SAMMSON: variants seen among roughly 807,000 people sequenced by gnomAD.
The protein encoded by SAMMSON is long intergenic non-protein coding RNA 1212.
intron 6 of SAMMSON, among the ~76,000 whole-genome samples, chr3:70,276,203 C>T (rs927071727): frequency 6.6e-6 from 1 of 151,942 alleles, no homozygotes; most frequent in African/African-American, 2.4e-5. Context: ...AATATTTGTT[C>T]AGTGAAAAAT....
At chr3:70,232,404 A>ATTTT (rs200752002) in intron 4 of SAMMSON, among the ~76,000 whole-genome samples, 1 of 145,058 alleles carries the variant, frequency 6.9e-6, no homozygotes, top group Non-Finnish European at 1.5e-5. Flanking sequence ...TGATGTTCCT[A>ATTTT]TTTTTTTTTT....
intron 6 of SAMMSON, chr3:70,283,818 C>A (rs1702113110): frequency 6.6e-6 from 1 of 151,022 alleles, no homozygotes. Flanking sequence ...GCAAATATGG[C>A]CAAATGTTAA....
At chr3:70,184,027 TG>T (rs1341251600) in intron 4 of SAMMSON, 5 of 152,218 alleles carry the variant, frequency 3.3e-5, no homozygotes, top group African/African-American at 1.2e-4. Flanking sequence ...TGCTCCATGT[TG>T]GTACAAATTC....
chr3:70,080,814 C>T (rs1478930046), intron 4 of SAMMSON, among the ~76,000 whole-genome samples: 4 of 151,614 alleles, frequency 2.6e-5, no homozygotes, highest in Non-Finnish European at 5.9e-5. Context: ...AACGATATTG[C>T]AAAAATGATC....
chr3:70,184,750 A>G (rs1012597958), intron 4 of SAMMSON, among the ~76,000 whole-genome samples: 1 of 152,216 alleles, frequency 6.6e-6, no homozygotes, highest in Non-Finnish European at 1.5e-5. Flanking sequence ...TAGACTAACC[A>G]CATGAGGTCA....
intron 2 of SAMMSON, among the ~76,000 whole-genome samples, chr3:70,414,673 CTTAG>C (rs1231750843): frequency 3.9e-5 from 6 of 151,992 alleles, no homozygotes; most frequent in African/African-American, 1.4e-4. Context: ...TTAATGTGAC[CTTAG>C]TTAGATCACG....
At chr3:70,413,279 G>A (rs1168205340) in intron 2 of SAMMSON, among the ~76,000 whole-genome samples, 1 of 152,078 alleles carries the variant, frequency 6.6e-6, no homozygotes, top group Non-Finnish European at 1.5e-5. Context: ...TATATGTCAA[G>A]CTGAACTCTC....
intron 6 of SAMMSON, among the ~76,000 whole-genome samples, chr3:70,264,639 A>T (rs536561068): frequency 1.3e-5 from 2 of 152,248 alleles, no homozygotes; most frequent in Non-Finnish European, 2.9e-5. Flanking sequence ...CTGAGCACTG[A>T]AAGTATGCCA....
intron 9 of SAMMSON, among the ~76,000 whole-genome samples, chr3:70,374,123 A>C (rs1282495214): frequency 6.6e-6 from 1 of 152,202 alleles, no homozygotes; most frequent in Non-Finnish European, 1.5e-5. Context: ...CATGTTGGTC[A>C]GGCTGGTCTC....
chr3:70,095,620 A>G (rs554462190), intron 4 of SAMMSON, among the ~76,000 whole-genome samples: 6 of 152,300 alleles, frequency 3.9e-5, no homozygotes, highest in Admixed American at 3.9e-4. Flanking sequence ...AGGAAGGGGA[A>G]CCTGAGCACT....
chr3:70,299,414 T>C (rs1354315628), intron 7 of SAMMSON, among the ~76,000 whole-genome samples: 1 of 152,136 alleles, frequency 6.6e-6, no homozygotes, highest in Non-Finnish European at 1.5e-5. Flanking sequence ...TCCATTTTCA[T>C]ATTCTAATTT....
intron 6 of SAMMSON, among the ~76,000 whole-genome samples, chr3:70,288,680 A>T (rs954561521): frequency 6.6e-6 from 1 of 151,736 alleles, no homozygotes; most frequent in Non-Finnish European, 1.5e-5. Context: ...CCCATTATTA[A>T]TGTGTGGAAG....
chr3:70,263,853 G>A (rs1251399025), intron 6 of SAMMSON, among the ~76,000 whole-genome samples: 1 of 152,036 alleles, frequency 6.6e-6, no homozygotes, highest in Non-Finnish European at 1.5e-5. Flanking sequence ...CTGGGCGATG[G>A]TGGAACTCAC....
chr3:70,313,406 A>C (rs747142495), intron 7 of SAMMSON, among the ~76,000 whole-genome samples: 4 of 151,650 alleles, frequency 2.6e-5, no homozygotes, highest in Non-Finnish European at 5.9e-5. Flanking sequence ...TGAGCCTAGG[A>C]GGTCGGGGCA....
chr3:70,094,915 A>C (rs2067318151), intron 4 of SAMMSON: 1 of 152,234 alleles, frequency 6.6e-6, no homozygotes, highest in African/African-American at 2.4e-5. Flanking sequence ...AAATCAATAC[A>C]TAGAGGCTGT....
chr3:70,061,774 A>C (rs1296283691), intron 3 of SAMMSON, among the ~76,000 whole-genome samples: 2 of 152,114 alleles, frequency 1.3e-5, no homozygotes, highest in African/African-American at 4.8e-5. Flanking sequence ...AGTGTGCCTT[A>C]TGCCTTCAGC....
At chr3:70,410,841 A>G (rs1040784872) in intron 2 of SAMMSON, among the ~76,000 whole-genome samples, 1 of 152,222 alleles carries the variant, frequency 6.6e-6, no homozygotes, top group South Asian at 2.1e-4. Context: ...TAGCAGGACA[A>G]TGCACAGCAA....
At chr3:70,043,140 C>CAA (rs1490180624) in intron 3 of SAMMSON, among the ~76,000 whole-genome samples, 2 of 152,024 alleles carry the variant, frequency 1.3e-5, no homozygotes, top group African/African-American at 4.8e-5. Context: ...ATATGTGTTA[C>CAA]AAGGGGCTGT....
chr3:70,100,515 TGGGGGGGG>T (rs71620115), intron 4 of SAMMSON, among the ~76,000 whole-genome samples: 110,899 of 146,670 alleles, frequency 0.76, 45,014 homozygotes, highest in Non-Finnish European at 0.9. Context: ...CTTGAAAGAG[TGGGGGGGG>T]GGGGGGGGGG....
Sources: allele counts gnomAD v4.1 joint callset (sites outside exome capture counted in the v4.1 genomes callset), GRCh38; gene constraint gnomAD v4.1.1; transcripts MANE v1.5; gene names NCBI Gene and HGNC (gene_info 2026-07-23, HGNC 2026-07-21).